Variants in NBEA observed in about 807,000 individuals in gnomAD.
NBEA encodes the protein lysosomal-trafficking regulator 2.
In NBEA, 44 loss-of-function variants were observed where a neutral mutation model predicts 343.4. That is an observed-to-expected ratio of 0.13 (90% CI 0.10 to 0.16). The LOEUF (loss-of-function observed/expected upper bound fraction) is 0.16. Among genes scored for constraint, NBEA ranks in the 10% least tolerant of loss-of-function variants. The pLI is 1.00. For missense variants in NBEA, 2,555 were observed against 3,631.3 expected (o/e 0.70, Z 7.62); for synonymous variants, 1,175 against 1,238.7 (o/e 0.95, Z 1.08).
chr13:35,486,598 T>A (rs1023332898), intron 41 of NBEA, among the ~76,000 whole-genome samples: 2 of 152,026 alleles, frequency 1.3e-5, no homozygotes, highest in East Asian at 3.9e-4. Flanking sequence ...ACACAGGTAA[T>A]TGCAGAGCCA....
chr13:35,283,753 C>A (rs1185954637), intron 34 of NBEA, among the ~76,000 whole-genome samples: 2 of 152,016 alleles, frequency 1.3e-5, no homozygotes, highest in Non-Finnish European at 2.9e-5. Context: ...TAAATAGCAT[C>A]ACATTATTCA....
intron 38 of NBEA, among the ~76,000 whole-genome samples, chr13:35,416,447 A>G (rs1357059074): frequency 6.6e-6 from 1 of 151,626 alleles, no homozygotes; most frequent in Non-Finnish European, 1.5e-5. Context: ...GAGAGTTTTT[A>G]GCTGTTGAAT....
chr13:35,467,840 A>C (rs2152955959), intron 40 of NBEA, among the ~76,000 whole-genome samples: 1 of 152,368 alleles, frequency 6.6e-6, no homozygotes, highest in Admixed American at 6.5e-5. Context: ...TTTTAACAAT[A>C]TTAAACTAAG....
At chr13:35,417,177 C>T (rs1051767263) in intron 38 of NBEA, among the ~76,000 whole-genome samples, 111 of 152,058 alleles carry the variant, frequency 7.3e-4, no homozygotes, top group African/African-American at 2.6e-3. Flanking sequence ...TTGATCTTTT[C>T]AAAAAACCAG....
chr13:35,012,576 A>G (rs1157714986), intron 1 of NBEA, among the ~76,000 whole-genome samples: 1 of 152,226 alleles, frequency 6.6e-6, no homozygotes, highest in Non-Finnish European at 1.5e-5. Flanking sequence ...TATTCTGAAA[A>G]GTTCCATGCC....
chr13:35,617,294 G>T (rs963427947), intron 48 of NBEA, among the ~76,000 whole-genome samples: 1 of 152,144 alleles, frequency 6.6e-6, no homozygotes, highest in Non-Finnish European at 1.5e-5. Flanking sequence ...GGAGCGAAAG[G>T]CTTTATACAA....
Position 35,423,771 on chromosome 13 carries a change from C to T in NBEA, c.6180-8498C>T, listed in dbSNP as rs554909405. Among the ~76,000 whole-genome samples the T allele has an allele frequency of 6.8e-4, 104 of 152,216 alleles. 1 individual carries two copies. The highest frequency in any genetic ancestry group is 2.5e-3 in the African/African-American group (102 of 41,528). On this transcript the variant is annotated intron_variant, in intron 38 of 58. Transcript: ENST00000379939. ...GGCCATTTTCACGATATTGGTTCTT[C>T]CTACCCATGAGCATGGAATGTTCTT...
chr13:35,059,908 A>G (rs2063406748), intron 8 of NBEA, among the ~76,000 whole-genome samples: 1 of 151,712 alleles, frequency 6.6e-6, no homozygotes, highest in Non-Finnish European at 1.5e-5. Context: ...GCTATCATGT[A>G]TTTTCCATAT....
intron 48 of NBEA, among the ~76,000 whole-genome samples, chr13:35,609,824 G>GC (rs2082427598): frequency 6.6e-6 from 1 of 152,240 alleles, no homozygotes; most frequent in East Asian, 1.9e-4. Flanking sequence ...TCCAGATAGA[G>GC]AAAGCCTGCG....
chr13:35,615,984 C>G (rs760353996), intron 48 of NBEA, among the ~76,000 whole-genome samples: 1 of 152,128 alleles, frequency 6.6e-6, no homozygotes, highest in Non-Finnish European at 1.5e-5. Flanking sequence ...CTCTCTCTGC[C>G]CATCTGGTAT....
intron 36 of NBEA, among the ~76,000 whole-genome samples, chr13:35,333,537 C>A (rs1483490594): frequency 6.6e-6 from 1 of 151,970 alleles, no homozygotes; most frequent in Non-Finnish European, 1.5e-5. Context: ...CTTTATGTTA[C>A]AAACAATACA....
intron 41 of NBEA, among the ~76,000 whole-genome samples, chr13:35,478,891 G>C (rs1424355160): frequency 1.3e-5 from 2 of 152,246 alleles, no homozygotes; most frequent in African/African-American, 4.8e-5. Context: ...CTGTTCGGGG[G>C]ACCTTAAGTG....
chr13:35,263,080 A>G (rs1038971369), intron 34 of NBEA, among the ~76,000 whole-genome samples: 1 of 152,184 alleles, frequency 6.6e-6, no homozygotes, highest in Non-Finnish European at 1.5e-5. Flanking sequence ...ACTTGCAACA[A>G]AGGTACAGTA....
chr13:35,352,600 G>C (rs1430995114), intron 38 of NBEA, among the ~76,000 whole-genome samples: 2 of 151,930 alleles, frequency 1.3e-5, no homozygotes, highest in African/African-American at 4.8e-5. Flanking sequence ...TTAGTCTACT[G>C]TCTCTCATAT....
chr13:35,533,503 A>G (rs1390528656), intron 41 of NBEA, among the ~76,000 whole-genome samples: 1 of 152,092 alleles, frequency 6.6e-6, no homozygotes, highest in East Asian at 1.9e-4. Context: ...CCTCAATGGA[A>G]TTTCCTCCTA....
intron 34 of NBEA, among the ~76,000 whole-genome samples, chr13:35,263,731 A>G (rs527859398): frequency 2.6e-5 from 4 of 152,112 alleles, no homozygotes; most frequent in Admixed American, 6.6e-5. Context: ...TCTTGGACAA[A>G]CAAAAATGGA....
At chr13:35,019,071 A>G (rs754395788) in intron 1 of NBEA, among the ~76,000 whole-genome samples, 1 of 150,910 alleles carries the variant, frequency 6.6e-6, no homozygotes, top group African/African-American at 2.4e-5. Context: ...TTTATTGATG[A>G]GCAAATCTTG....
chr13:35,212,523 T>C (rs1593771084), intron 33 of NBEA, among the ~76,000 whole-genome samples: 1 of 152,220 alleles, frequency 6.6e-6, no homozygotes, highest in East Asian at 1.9e-4. Context: ...TACTGCACAT[T>C]AATATGCATA....
intron 13 of NBEA, among the ~76,000 whole-genome samples, chr13:35,115,022 T>G (rs1006159782): frequency 9.2e-5 from 14 of 152,088 alleles, no homozygotes; most frequent in Non-Finnish European, 1.8e-4. Flanking sequence ...ACTTAACACT[T>G]TTGTCTCTTA....
Sources: allele counts gnomAD v4.1 joint callset (sites outside exome capture counted in the v4.1 genomes callset), GRCh38; gene constraint gnomAD v4.1.1; transcripts MANE v1.5; gene names NCBI Gene and HGNC (gene_info 2026-07-23, HGNC 2026-07-21).